Variants in USH2A observed in about 807,000 individuals in gnomAD.
USH2A encodes usherin, also known as Usher syndrome 2A (autosomal recessive, mild).
In USH2A, 443 loss-of-function variants were observed where a neutral mutation model predicts 538.9. The observed-to-expected ratio is 0.82, with a 90% confidence interval of 0.76 to 0.89. USH2A has a LOEUF of 0.89. Ranked by LOEUF, USH2A falls within the 40% of genes least tolerant of loss-of-function variation. The probability of loss-of-function intolerance (pLI) is 0.00; values close to 1 mark genes in which losing one functional copy is unlikely to be tolerated. For missense variants in USH2A, 6,633 were observed against 6,324.8 expected (o/e 1.05, Z -1.65); for synonymous variants, 2,413 against 2,273.5 (o/e 1.06, Z -1.75).
At chr1:216,132,542 A>C (rs2033397520) in intron 21 of USH2A, among the ~76,000 whole-genome samples, 1 of 151,886 alleles carries the variant, frequency 6.6e-6, no homozygotes, top group Admixed American at 6.6e-5. Flanking sequence ...TCAACTAGTG[A>C]CCCCCACTCT....
chr1:216,155,825 T>A (rs962869222), intron 21 of USH2A, among the ~76,000 whole-genome samples: 21 of 152,182 alleles, frequency 1.4e-4, no homozygotes, highest in African/African-American at 2.9e-4. Context: ...CATTTTTTTT[T>A]AAACCATTCA....
chr1:216,073,994 G>GC (rs2031662142), intron 27 of USH2A, among the ~76,000 whole-genome samples: 1 of 152,186 alleles, frequency 6.6e-6, no homozygotes, highest in African/African-American at 2.4e-5. Context: ...CATGACAGGG[G>GC]CCAGCCTTCA....
chr1:216,090,230 G>A (rs903907017), intron 22 of USH2A, among the ~76,000 whole-genome samples: 26 of 151,646 alleles, frequency 1.7e-4, no homozygotes, highest in African/African-American at 6.3e-4. Context: ...ATAGATAATT[G>A]TTTGATGTAA....
At chr1:216,376,354 A>G (rs1021892682) in intron 3 of USH2A, among the ~76,000 whole-genome samples, 3 of 152,208 alleles carry the variant, frequency 2.0e-5, no homozygotes, top group Non-Finnish European at 4.4e-5. Context: ...AAGGATTAAT[A>G]TGATTTAGCA....
At chr1:215,978,022 G>A (rs1667663733) in intron 35 of USH2A, among the ~76,000 whole-genome samples, 1 of 152,158 alleles carries the variant, frequency 6.6e-6, no homozygotes, top group African/African-American at 2.4e-5. Context: ...GGCTATTTGA[G>A]AGGCTGACGT....
chr1:215,917,517 T>C (rs1365732804), intron 38 of USH2A, among the ~76,000 whole-genome samples: 1 of 152,046 alleles, frequency 6.6e-6, no homozygotes, highest in African/African-American at 2.4e-5. Context: ...TTAGTCTTTG[T>C]GAAATTAAAA....
Position 216,289,261 on chromosome 1 carries a change from A to G in USH2A, c.1971+19T>C, listed in dbSNP as rs2036950223. 1.9e-6 allele frequency: 3 copies of G among 1,613,590 alleles called. No individual in the cohort carries two copies. In the East Asian group the frequency reaches 6.7e-5, roughly 36 times the overall value. ...GCAGACAGAGTAATCCTTTACCTTA[A>G]ATACTCAGAAAAACTCACCTGATCA... On this transcript the variant is annotated intron_variant, in intron 11 of 71. Coordinates refer to ENST00000307340, the MANE Select transcript of USH2A (RefSeq NM_206933.4).
chr1:216,084,157 C>T (rs1179081747), intron 25 of USH2A, among the ~76,000 whole-genome samples: 1 of 151,952 alleles, frequency 6.6e-6, no homozygotes. Context: ...GCATGCATGT[C>T]AGGGGTAAGC....
At chr1:216,114,872 A>G (rs537189100) in intron 21 of USH2A, among the ~76,000 whole-genome samples, 7 of 152,288 alleles carry the variant, frequency 4.6e-5, no homozygotes, top group Admixed American at 1.3e-4. Flanking sequence ...ATGTGTATAT[A>G]AAGTTTTAAG....
intron 58 of USH2A, among the ~76,000 whole-genome samples, chr1:215,753,336 A>T (rs963813452): frequency 3.3e-5 from 5 of 152,140 alleles, no homozygotes; most frequent in Admixed American, 1.3e-4. Flanking sequence ...ATTATAAATC[A>T]TGCTGCTATA....
chr1:216,092,205 T>C (rs12084494), intron 22 of USH2A, among the ~76,000 whole-genome samples: 6,002 of 152,268 alleles, frequency 0.039, 413 homozygotes, highest in African/African-American at 0.14. Context: ...ATTTATTTAC[T>C]GGGCATCTAC....
In USH2A at chr1:216,325,575, T is replaced by A; in HGVS notation, c.873A>T (p.Gly291=). Residue 291 remains glycine (G), a synonymous_variant, in exon 6 of 72, where the codon GGA becomes GGT. Transcript: ENST00000307340. The part of the protein sequence containing the change: ...TNREILEVFS[G]DLLRLHAQSH... ...ATTGGGCATGCAATCTGAGAAGATC[T>A]CCAGAGAAGACTTCCAGAATCTCTC... 1.2e-6 allele frequency: 2 copies of A among 1,613,166 alleles called. No individual in the cohort carries two copies. Among genetic ancestry groups the A allele is most frequent in the Non-Finnish European group, 1.7e-6 (2 of 1,179,560 alleles).
intron 20 of USH2A, among the ~76,000 whole-genome samples, chr1:216,182,557 ATT>A (rs2034515247): frequency 6.6e-6 from 1 of 152,024 alleles, no homozygotes; most frequent in South Asian, 2.1e-4. Context: ...AAAGCAGTTA[ATT>A]TTGTTTTGTT....
chr1:216,153,378 C>T (rs560246441), intron 21 of USH2A, among the ~76,000 whole-genome samples: 26 of 152,292 alleles, frequency 1.7e-4, no homozygotes, highest in Middle Eastern at 6.8e-3. Context: ...TGCCCATCTG[C>T]ATGCTCCCTC....
intron 60 of USH2A, among the ~76,000 whole-genome samples, chr1:215,738,974 C>T (rs147402126): frequency 6.6e-6 from 1 of 152,202 alleles, no homozygotes; most frequent in East Asian, 1.9e-4. Flanking sequence ...TTTTTTGCAG[C>T]TATCTAAGAA....
In USH2A at chr1:215,951,255, C is replaced by T. The variant is rs560790707; in HGVS notation, c.7120+14062G>A. 6.5e-3 allele frequency among the ~76,000 whole-genome samples: 987 copies of T among 152,270 alleles called. 12 individuals carry two copies. The highest frequency in any genetic ancestry group is 0.022 in the African/African-American group (931 of 41,538). On this transcript the variant is annotated intron_variant, in intron 37 of 71. Transcript: ENST00000307340. The stretch of plus-strand genomic sequence containing the variant: ...TCCCAGAGATTCTGGTATGTTGTGT[C>T]TTTGTTCTCATTGGTTTCAAAGAAC...
intron 67 of USH2A, 63 bp from the exon 68 acceptor site, chr1:215,640,797 C>CT: frequency 9.6e-7 from 1 of 1,045,522 alleles, no homozygotes; most frequent in Non-Finnish European, 1.4e-6. Context: ...CAGGTGTGCA[C>CT]TTTAAAAAAA....
chr1:216,112,727 G>A (rs1245837823), intron 21 of USH2A, among the ~76,000 whole-genome samples: 2 of 151,962 alleles, frequency 1.3e-5, no homozygotes, highest in South Asian at 2.1e-4. Context: ...TTCTGTTCCT[G>A]CATTAGTTTG....
intron 40 of USH2A, among the ~76,000 whole-genome samples, chr1:215,893,175 C>A (rs905274887): frequency 6.6e-6 from 1 of 152,104 alleles, no homozygotes; most frequent in Non-Finnish European, 1.5e-5. Context: ...GGTACATTAT[C>A]AAAATGAGGA....
Sources: allele counts gnomAD v4.1 joint callset (sites outside exome capture counted in the v4.1 genomes callset), GRCh38; gene constraint gnomAD v4.1.1; transcripts MANE v1.5; gene names NCBI Gene and HGNC (gene_info 2026-07-23, HGNC 2026-07-21).